DGCR8: variants seen among roughly 807,000 people sequenced by gnomAD.
DGCR8 encodes the protein DGCR8 microprocessor complex subunit, also known as microprocessor complex subunit DGCR8.
In DGCR8, 14 loss-of-function variants were observed where a neutral mutation model predicts 78.5. The observed-to-expected ratio is 0.18, with a 90% CI of 0.12 to 0.28. The LOEUF (loss-of-function observed/expected upper bound fraction) is 0.28, where lower values mean the gene tolerates loss of function less well. Among genes scored for constraint, DGCR8 ranks in the 10% least tolerant of loss-of-function variants. The pLI, the probability that DGCR8 is intolerant of heterozygous loss-of-function variation, is 1.00. For missense variants in DGCR8, 702 were observed against 1,022.5 expected (o/e 0.69, Z 4.28); for synonymous variants, 399 against 402.4 (o/e 0.99, Z 0.10).
At chr22:20,084,864 C>A in intron 1 of DGCR8, 1 of 499,016 alleles carries the variant, frequency 2.0e-6, no homozygotes, top group Non-Finnish European at 2.6e-6. Context: ...TTCTGCCTGG[C>A]ACAGCTGTGG....
intron 9 of DGCR8, among the ~76,000 whole-genome samples, chr22:20,095,187 C>T (rs1171641846): frequency 6.6e-6 from 1 of 152,160 alleles, no homozygotes; most frequent in Admixed American, 6.5e-5. Context: ...CCCACTGCAA[C>T]TTTCACCTCC....
At chr22:20,084,986 G>A (rs925569053) in intron 1 of DGCR8, 1 of 985,270 alleles carries the variant, frequency 1.0e-6, no homozygotes, top group East Asian at 1.1e-4. Context: ...AGGCCTCTCT[G>A]TGCCTCGGCT....
At chr22:20,097,424 TTTTCCCA>T (rs1408398812) in intron 9 of DGCR8, among the ~76,000 whole-genome samples, 1 of 152,240 alleles carries the variant, frequency 6.6e-6, no homozygotes, top group South Asian at 2.1e-4. Context: ...TTTGGAATTT[TTTTCCCA>T]TTTGATGTAG....
In DGCR8 at chr22:20,085,983, C is replaced by T; in HGVS notation, c.20C>T (p.Pro7Leu). The T allele has an allele frequency of 6.3e-7, 1 of 1,596,358 alleles. No homozygotes were observed. Among genetic ancestry groups the T allele is most frequent in the Non-Finnish European group, 8.5e-7 (1 of 1,170,850 alleles). The change falls in exon 2 of 14, where the codon CCC becomes CTC. Residue 7 changes from proline (P) to leucine (L), a missense_variant. Pro to Leu is a moderately conservative substitution (Grantham distance 98). This residue lies in a region of DGCR8 where 356 missense variants were observed against 448.9 expected (regional missense o/e 0.79). Transcript: ENST00000351989. The surrounding 1 kb of genome is among the most constrained non-coding windows in gnomAD (Gnocchi z 6.2). Reference protein sequence around the residue: METDESPSPLPCGPAGE... With the variant: METDESLSPLPCGPAGE... ...TTTAATATGGAGACAGATGAGAGCCCCTCTCCGCTCCCGTGTGGGCCCGCA... is the reference window on the plus strand; with the variant it reads ...TTTAATATGGAGACAGATGAGAGCCTCTCTCCGCTCCCGTGTGGGCCCGCA...
In DGCR8 at chr22:20,085,649, C is replaced by T; in HGVS notation, c.-277-38C>T. On this transcript the variant is annotated intron_variant, in intron 1 of 13. Transcript: ENST00000351989. This position sits in a 1 kb window ranked among gnomAD's most constrained non-coding sequence, Gnocchi z 6.2. ...TTGGTACCAGGGAATTGGAAGGTTTCTGTCATTTTGTGACGATATTTTTAA... is the reference window on the plus strand; with the variant it reads ...TTGGTACCAGGGAATTGGAAGGTTTTTGTCATTTTGTGACGATATTTTTAA... 1 of 1,284,752 alleles carries T rather than the reference C, an allele frequency of 7.8e-7. No homozygotes were observed. The highest frequency in any genetic ancestry group is 3.0e-5 in the South Asian group (1 of 33,230). The allele number at this position is 1,284,752 out of a possible 1,614,324, so 79.6% of individuals were successfully genotyped here. A position where few individuals can be genotyped will look rare whatever the true frequency, so the allele number is the denominator to read the frequency against.
chr22:20,095,043 CACCG>C (rs2049612050), intron 9 of DGCR8, among the ~76,000 whole-genome samples: 3 of 152,120 alleles, frequency 2.0e-5, no homozygotes, highest in African/African-American at 2.4e-5. Flanking sequence ...ATTGAGTGTG[CACCG>C]TAAATGTCGG....
intron 7 of DGCR8, 86 bp from the exon 8 acceptor site, chr22:20,092,723 G>A (rs948282497): frequency 1.9e-5 from 22 of 1,176,900 alleles, no homozygotes; most frequent in African/African-American, 9.2e-5. Context: ...CCCTGACTGC[G>A]CCTTGTCTGT....
chr22:20,087,111 G>T lies in DGCR8; in HGVS notation c.721-51G>T, dbSNP rs745376340. The T allele has an allele frequency of 6.4e-7, 1 of 1,562,506 alleles. No individual in the cohort carries two copies. On this transcript the variant is annotated intron_variant, in intron 2 of 13. Transcript: ENST00000351989. The surrounding 1 kb of genome is among the most constrained non-coding windows in gnomAD (Gnocchi z 4.1). ...AGGAATGCTGTTGAGCTCTCCTGTT[G>T]CAGGAGCATGAGCGCCAGGGGCTCT...
chr22:20,111,605 C>G lies in DGCR8; in HGVS notation c.*1497C>G, dbSNP rs576450399. The G allele has an allele frequency of 2.6e-6, 1 of 379,308 alleles. No homozygotes were observed. The highest frequency in any genetic ancestry group is 3.7e-5 in the East Asian group (1 of 27,158). The allele number at this position is 379,308 out of a possible 1,614,324, so 23.5% of individuals were successfully genotyped here. On this transcript the variant is annotated 3_prime_UTR_variant, in exon 14 of 14. Transcript: ENST00000351989. The stretch of plus-strand genomic sequence containing the variant: ...CAGATGCGCCTGTGAACCAAAGCTT[C>G]GTGCACATGTGTTCCCCTAAAGGTT...
Position 20,103,442 on chromosome 22 carries a change from C to G in DGCR8, c.1789-2735C>G, listed in dbSNP as rs960731500. 4.6e-5 allele frequency among the ~76,000 whole-genome samples: 7 copies of G among 152,132 alleles called. No individual in the cohort carries two copies. The South Asian group carries it at 1.2e-3, about 27-fold the overall frequency. ...AGAGCTAGAATTTGTTTTATTTGCA[C>G]TGATTTATTCTAGTAGTTTTTCTGT... On this transcript the variant is annotated intron_variant, in intron 9 of 13. Coordinates refer to ENST00000351989, the MANE Select transcript of DGCR8 (RefSeq NM_022720.7).
Position 20,106,906 on chromosome 22 carries a change from C to G in DGCR8, c.1996+208C>G, listed in dbSNP as rs994212749. The G allele has an allele frequency of 1.2e-5, 7 of 591,804 alleles. No individual in the cohort carries two copies. The East Asian group carries it at 2.0e-4, about 17-fold the overall frequency. The allele number at this position is 591,804 out of a possible 1,614,324, so 36.7% of individuals were successfully genotyped here. A position where few individuals can be genotyped will look rare whatever the true frequency, so the allele number is the denominator to read the frequency against. On this transcript the variant is annotated intron_variant, in intron 11 of 13. Coordinates refer to ENST00000351989, the MANE Select transcript of DGCR8 (RefSeq NM_022720.7). ...TCTTTTCCCTTTCCCCCGCTGTCAC[C>G]CCTGTCTCCGTCCAGCCCTTGTCCC... is the stretch of plus-strand genomic sequence containing the variant.
intron 9 of DGCR8, among the ~76,000 whole-genome samples, chr22:20,105,603 T>C (rs443678): frequency 0.76 from 116,194 of 152,204 alleles, 44,960 homozygotes; most frequent in East Asian, 0.9. Flanking sequence ...GCCTCTCTTG[T>C]CCTTCCTGTG....
intron 9 of DGCR8, among the ~76,000 whole-genome samples, chr22:20,104,573 G>A (rs984526675): frequency 6.6e-6 from 1 of 152,166 alleles, no homozygotes; most frequent in African/African-American, 2.4e-5. Flanking sequence ...GGGGTATGTG[G>A]GTTCTTGTGG....
At chr22:20,091,087 C>T (rs759622680) in intron 5 of DGCR8, among the ~76,000 whole-genome samples, 2 of 152,182 alleles carry the variant, frequency 1.3e-5, no homozygotes, top group African/African-American at 2.4e-5. Context: ...AGGTGGCGGG[C>T]GCATGGAGCC....
Position 20,086,213 on chromosome 22 carries a change from C to G in DGCR8, c.250C>G (p.Arg84Gly), listed in dbSNP as rs762547405. The G allele has an allele frequency of 6.2e-7, 1 of 1,613,976 alleles. No individual in the cohort carries two copies. Among genetic ancestry groups the G allele is most frequent in the Non-Finnish European group, 8.5e-7 (1 of 1,180,038 alleles). Residue 84 changes from arginine (R) to glycine (G), a missense_variant, in exon 2 of 14, where the codon CGC becomes GGC. By Grantham distance (125) the Arg-to-Gly change is moderately radical. Transcript: ENST00000351989. The surrounding 1 kb of genome is among the most constrained non-coding windows in gnomAD (Gnocchi z 6.4). ...CTCCAAAGGATCCTTCTCTAAGGGC[C>G]GCCTCCTCATAGACCCGAACTGTAG... ...LLSKGSFSKGRLLIDPNCSGH... is the reference protein window; with the variant it reads ...LLSKGSFSKGGLLIDPNCSGH...
chr22:20,094,622 G>T (rs1238412585), intron 8 of DGCR8, 91 bp from the exon 9 acceptor site: 4 of 1,164,988 alleles, frequency 3.4e-6, no homozygotes, highest in Non-Finnish European at 5.1e-6. Flanking sequence ...TGAGCTGTGG[G>T]GATGGGAGGC....
At chr22:20,083,124 G>A (rs756452619) in intron 1 of DGCR8, among the ~76,000 whole-genome samples, 1 of 152,090 alleles carries the variant, frequency 6.6e-6, no homozygotes, top group Non-Finnish European at 1.5e-5. Flanking sequence ...TCCCAGCCCT[G>A]TAACCCACCT....
chr22:20,092,894 G>A lies in DGCR8; in HGVS notation c.1692G>A (p.Ala564=), dbSNP rs1003714433. The A allele has an allele frequency of 1.3e-5, 21 of 1,613,350 alleles. No homozygotes were observed. Among genetic ancestry groups the A allele is most frequent in the Admixed American group, 3.3e-5 (2 of 59,956 alleles). The change falls in exon 8 of 14, where the codon GCG becomes GCA. Residue 564 remains alanine, a synonymous_variant. Transcript: ENST00000351989. ...GAACTGCAAGCAGCAAAAAACTTGC[G>A]AAGAATAAAGCTGGTAACGTGCTTG... ...GSGTASSKKL[A]KNKAARATLE...
At chr22:20,102,131 T>G (rs1184125198) in intron 9 of DGCR8, 1 of 934,672 alleles carries the variant, frequency 1.1e-6, no homozygotes, top group East Asian at 1.2e-4. Context: ...AAATTCACTT[T>G]TTGGTACAGT....
Sources: allele counts gnomAD v4.1 joint callset (sites outside exome capture counted in the v4.1 genomes callset), GRCh38; gene constraint gnomAD v4.1.1; regional missense constraint gnomAD v4.1.1; non-coding constraint Gnocchi (gnomAD v3.1); transcripts MANE v1.5; gene names NCBI Gene and HGNC (gene_info 2026-07-23, HGNC 2026-07-21).